WNK1: variants seen among roughly 807,000 people sequenced by gnomAD.
The protein encoded by WNK1 is serine/threonine-protein kinase WNK1.
Under a neutral mutation model 222.8 loss-of-function variants are expected in WNK1, and 38 were observed. The ratio of observed to expected loss-of-function variants is 0.17; its 90% confidence interval spans 0.13 to 0.22. WNK1 has a LOEUF of 0.22. Ranked by LOEUF, WNK1 falls within the 10% of genes least tolerant of loss-of-function variation. The pLI, the probability that WNK1 is intolerant of heterozygous loss-of-function variation, is 1.00. For synonymous variants in WNK1, 1,090 were observed against 1,092.9 expected (o/e 1.00, Z 0.05); for missense variants, 2,348 against 2,918.4 (o/e 0.80, Z 4.50).
intron 25 of WNK1, among the ~76,000 whole-genome samples, chr12:897,886 G>A (rs565710838): frequency 2.0e-5 from 3 of 152,158 alleles, no homozygotes; most frequent in South Asian, 2.1e-4. Context: ...GAATACAATG[G>A]CTTATTCCAT....
Position 887,191 on chromosome 12 carries a change from C to T in WNK1, c.5281-30C>T, listed in dbSNP as rs56375346. 0.13 allele frequency: 212,516 copies of T among 1,606,328 alleles called. 14,993 individuals carry two copies. The highest frequency in any genetic ancestry group is 0.18 in the South Asian group (15,969 of 90,912). On this transcript the variant is annotated intron_variant, in intron 19 of 27. Transcript: ENST00000315939. ...CGCAGTCTTTATATTTAGCGTCTCACGGACTTGATTTTCCCTTTGTTGTCT... is the reference window on the plus strand; with the variant it reads ...CGCAGTCTTTATATTTAGCGTCTCATGGACTTGATTTTCCCTTTGTTGTCT...
chr12:892,490 A>G (rs1353521853), intron 22 of WNK1, among the ~76,000 whole-genome samples: 2 of 152,194 alleles, frequency 1.3e-5, no homozygotes, highest in East Asian at 1.9e-4. Flanking sequence ...GTTAAGTTCA[A>G]TGTCTAATCC....
intron 8 of WNK1, chr12:864,979 A>AG: frequency 7.9e-7 from 1 of 1,269,338 alleles, no homozygotes; most frequent in Non-Finnish European, 1.0e-6. Context: ...CTCAAAAAAA[A>AG]AACTGACTTT....
chr12:768,939 A>G (rs2153944004), intron 1 of WNK1, among the ~76,000 whole-genome samples: 1 of 150,002 alleles, frequency 6.7e-6, no homozygotes, highest in South Asian at 2.1e-4. Context: ...CCTCCCGAGT[A>G]GCTGGGATTA....
chr12:894,661 T>C, intron 23 of WNK1, 26 bp downstream of exon 23: 1 of 1,606,266 alleles, frequency 6.2e-7, no homozygotes, highest in Non-Finnish European at 8.5e-7. Context: ...TGTGTTGCCT[T>C]GATTCCTTCC....
At chr12:903,544 T>C (rs1054501092) in intron 26 of WNK1, among the ~76,000 whole-genome samples, 3 of 152,206 alleles carry the variant, frequency 2.0e-5, no homozygotes, top group Admixed American at 2.0e-4. Context: ...TTCTGAAATA[T>C]AATGTGACAA....
chr12:761,530 A>G (rs950244015), intron 1 of WNK1, among the ~76,000 whole-genome samples: 2 of 148,188 alleles, frequency 1.3e-5, no homozygotes, highest in South Asian at 2.2e-4. Flanking sequence ...TCAGCTTCTC[A>G]GAGACAATAT....
intron 1 of WNK1, among the ~76,000 whole-genome samples, chr12:800,452 A>G (rs530991766): frequency 1.3e-5 from 2 of 152,248 alleles, no homozygotes; most frequent in African/African-American, 4.8e-5. Context: ...ATTGCCTGCT[A>G]TAATTATTTT....
At chr12:886,224 G>A in intron 19 of WNK1, 140 bp downstream of exon 19, 2 of 748,914 alleles carry the variant, frequency 2.7e-6, no homozygotes, top group Non-Finnish European at 2.0e-6. Flanking sequence ...TAAATTGACA[G>A]CAGTTTGAGG....
At chr12:819,220 T>A (rs1277345004) in intron 2 of WNK1, among the ~76,000 whole-genome samples, 1 of 152,204 alleles carries the variant, frequency 6.6e-6, no homozygotes, top group African/African-American at 2.4e-5. Flanking sequence ...TTATTAGAGT[T>A]CTTTATATAT....
At chr12:904,497 A>C (rs369913657) in intron 26 of WNK1, 2 of 1,288,928 alleles carry the variant, frequency 1.6e-6, no homozygotes, top group Non-Finnish European at 2.0e-6. Flanking sequence ...GCTCTGTAGT[A>C]ATTATCTTTT....
At chr12:782,786 G>A (rs1943850366) in intron 1 of WNK1, among the ~76,000 whole-genome samples, 2 of 151,722 alleles carry the variant, frequency 1.3e-5, no homozygotes, top group Admixed American at 1.3e-4. Context: ...TTACAGACAT[G>A]AGCCACTGCG....
intron 1 of WNK1, among the ~76,000 whole-genome samples, chr12:803,501 G>A (rs1259271133): frequency 1.3e-5 from 2 of 152,124 alleles, no homozygotes; most frequent in African/African-American, 2.4e-5. Context: ...GAAATATGGC[G>A]GCTGGGCACA....
chr12:854,220 T>A (rs1950605063), intron 4 of WNK1, among the ~76,000 whole-genome samples: 1 of 151,454 alleles, frequency 6.6e-6, no homozygotes, highest in Admixed American at 6.6e-5. Flanking sequence ...GACAAAAAAT[T>A]AGCTGGGCAT....
At chr12:780,192 A>T (rs1321978188) in intron 1 of WNK1, among the ~76,000 whole-genome samples, 7 of 152,212 alleles carry the variant, frequency 4.6e-5, no homozygotes, top group Non-Finnish European at 7.3e-5. Context: ...TCTGTCCTTA[A>T]CATGTTTCTC....
intron 1 of WNK1, among the ~76,000 whole-genome samples, chr12:763,199 G>GGCATTAACA (rs1204740517): frequency 6.8e-6 from 1 of 147,562 alleles, no homozygotes; most frequent in Non-Finnish European, 1.5e-5. Context: ...ATGGGTGGGT[G>GGCATTAACA]GCATTAACAG....
intron 2 of WNK1, among the ~76,000 whole-genome samples, chr12:825,349 A>G (rs1948265907): frequency 6.6e-6 from 1 of 152,160 alleles, no homozygotes; most frequent in Admixed American, 6.5e-5. Flanking sequence ...GGATCTCTGC[A>G]TGTTTTTCAT....
rs369513114 is a variant in WNK1, at chr12:859,632, G to GTGTGTGTGTGTGTGTGGT, written c.1620+169_1620+170insGTGTGTGTGTGTGTGGTT. ...ATTAGTGGGATTTTCGTGTGTGTGTGTTTTTTTTTTTTTTAAACTTCTTTG... is the reference window on the plus strand; with the variant it reads ...ATTAGTGGGATTTTCGTGTGTGTGTGTGTGTGTGTGTGTGTGGTTTTTTTTTTTTTTTAAACTTCTTTG... On this transcript the variant is annotated intron_variant, in intron 6 of 27. Transcript: ENST00000315939. 0.017 allele frequency among the ~76,000 whole-genome samples: 2,078 copies of GTGTGTGTGTGTGTGTGGT among 122,622 alleles called. 59 individuals are homozygous for GTGTGTGTGTGTGTGTGGT. Among genetic ancestry groups the GTGTGTGTGTGTGTGTGGT allele is most frequent in the African/African-American group, 0.057 (1,916 of 33,742 alleles). 80.4% of individuals were successfully genotyped at this position (122,622 alleles called of 152,430 possible).
At chr12:795,296 G>GT (rs35447912) in intron 1 of WNK1, among the ~76,000 whole-genome samples, 186 of 133,006 alleles carry the variant, frequency 1.4e-3, no homozygotes, top group Middle Eastern at 4.0e-3. Flanking sequence ...ATTTTCCGTT[G>GT]TTTTTTTTTT....
Sources: allele counts gnomAD v4.1 joint callset (sites outside exome capture counted in the v4.1 genomes callset), GRCh38; gene constraint gnomAD v4.1.1; transcripts MANE v1.5; gene names NCBI Gene and HGNC (gene_info 2026-07-23, HGNC 2026-07-21).